Variants in LRRC58 observed in about 807,000 individuals in gnomAD.
LRRC58 encodes the protein leucine-rich repeat-containing protein 58.
Under a neutral mutation model 30.6 loss-of-function variants are expected in LRRC58, and 18 were observed. The ratio of observed to expected loss-of-function variants is 0.59; its 90% CI spans 0.41 to 0.87. The LOEUF (loss-of-function observed/expected upper bound fraction) is 0.87, where lower values mean the gene tolerates loss of function less well. Ranked by LOEUF, LRRC58 falls within the 40% of genes least tolerant of loss-of-function variation. The probability of loss-of-function intolerance (pLI) is 0.00; values close to 1 mark genes in which losing one functional copy is unlikely to be tolerated. For synonymous variants in LRRC58, 221 were observed against 206.0 expected (o/e 1.07, Z -0.62); for missense variants, 420 against 468.4 (o/e 0.90, Z 0.95).
chr3:120,346,760 G>A (rs1039937374), intron 1 of LRRC58, among the ~76,000 whole-genome samples: 2 of 152,078 alleles, frequency 1.3e-5, no homozygotes, highest in African/African-American at 4.8e-5. Context: ...TATCAAGCTG[G>A]TATAGGCTAC....
rs1351756460 is a variant in LRRC58 at position 120,326,854 on chromosome 3, C to T, written c.*4346G>A. The T allele has an allele frequency of 1.3e-5, 2 of 152,166 alleles. No homozygotes were observed. The highest frequency in any genetic ancestry group is 2.9e-5 in the Non-Finnish European group (2 of 68,014). The allele number at this position is 152,166 out of a possible 1,614,324, so 9.4% of individuals were successfully genotyped here. A position where few individuals can be genotyped will look rare whatever the true frequency, so the allele number is the denominator to read the frequency against. ...ATTAACTTTTTTTACATAGCTACTG[C>T]TAAAATGCTTTAAAAGACCAAATTT... is the stretch of plus-strand genomic sequence containing the variant. On this transcript the variant is annotated 3_prime_UTR_variant, in exon 4 of 4. Transcript: ENST00000295628.
chr3:120,349,149 A>C lies in LRRC58; in HGVS notation c.95T>G (p.Leu32Arg). The C allele has an allele frequency of 6.7e-7, 1 of 1,499,244 alleles. No homozygotes were observed. The highest frequency in any genetic ancestry group is 1.2e-5 in the South Asian group (1 of 80,238). The allele number at this position is 1,499,244 out of a possible 1,614,324, so 92.9% of individuals were successfully genotyped here. ...GCGCCGCTCCTCCCCCCGCGCCTCCAGCTCAGACTCCAGCGTCTCGGTGGA... is the reference window on the plus strand; with the variant it reads ...GCGCCGCTCCTCCCCCCGCGCCTCCCGCTCAGACTCCAGCGTCTCGGTGGA... Reference protein sequence around the residue: ...SVSTETLESELEARGEERRGA... With the variant: ...SVSTETLESEREARGEERRGA... The change falls in exon 1 of 4, where the codon CTG becomes CGG. Residue 32 changes from leucine to arginine, a missense_variant. Physicochemically the swap from Leu to Arg is moderately radical, Grantham distance 102. Transcript: ENST00000295628.
At position 120,349,077 on chromosome 3, in the gene LRRC58, A is replaced by G; in HGVS notation, c.167T>C (p.Leu56Pro). The G allele has an allele frequency of 6.6e-7, 1 of 1,518,534 alleles. No homozygotes were observed. Among genetic ancestry groups the G allele is most frequent in the Middle Eastern group, 1.8e-4 (1 of 5,668 alleles). 94.1% of individuals were successfully genotyped at this position (1,518,534 alleles called of 1,614,324 possible). A position where few individuals can be genotyped will look rare whatever the true frequency, so the allele number is the denominator to read the frequency against. Reference protein sequence around the residue: ...LLRLLLPHNRLVSLPRALGSG... With the variant: ...LLRLLLPHNRPVSLPRALGSG... Reference sequence around the variant, plus strand: ...GCCCAGCGCCCGTGGCAGCGACACCAGACGGTTGTGAGGCAGCAGCAGCCG... The same window carrying G: ...GCCCAGCGCCCGTGGCAGCGACACCGGACGGTTGTGAGGCAGCAGCAGCCG... The change falls in exon 1 of 4, where the codon CTG (leucine) becomes CCG (proline). Residue 56 changes from leucine (L) to proline (P), a missense_variant. By Grantham distance (98) the Leu-to-Pro change is moderately conservative. Around this residue, in one of 2 missense-constraint regions of LRRC58, gnomAD observed 266 missense variants for 251.7 expected, o/e 1.06. Coordinates refer to ENST00000295628, the MANE Select transcript of LRRC58 (RefSeq NM_001099678.2).
intron 1 of LRRC58, among the ~76,000 whole-genome samples, chr3:120,340,655 C>G (rs1266290417): frequency 6.6e-6 from 1 of 152,110 alleles, no homozygotes; most frequent in Non-Finnish European, 1.5e-5. Flanking sequence ...AGGTGGATGA[C>G]TTGAGGTCAC....
rs1464257115 is a variant in LRRC58 at position 120,330,738 on chromosome 3, CATATA to C, written c.*457_*461del. 2 of 154,164 alleles carry C rather than the reference CATATA, an allele frequency of 1.3e-5. No individual in the cohort carries two copies. Among genetic ancestry groups the C allele is most frequent in the Non-Finnish European group, 2.9e-5 (2 of 69,442 alleles). The allele number at this position is 154,164 out of a possible 1,614,324, so 9.5% of individuals were successfully genotyped here. On this transcript the variant is annotated 3_prime_UTR_variant, in exon 4 of 4. Transcript: ENST00000295628. ...AAGGGAGGGTTAATCCTGTTTATGGCATATAATATATATGGTATATATAGTATATA... is the reference window on the plus strand; with the variant it reads ...AAGGGAGGGTTAATCCTGTTTATGGCATATATATGGTATATATAGTATATA...
chr3:120,348,755 C>A lies in LRRC58; in HGVS notation c.489G>T (p.Glu163Asp). Residue 163 changes from glutamate (E) to aspartate (D), a missense_variant, in exon 1 of 4, where the codon GAG (glutamate) becomes GAT (aspartate). Coordinates refer to ENST00000295628, the MANE Select transcript of LRRC58 (RefSeq NM_001099678.2). Reference protein sequence around the residue: ...NQLQSIPAEIENLQSLECLYL... With the variant: ...NQLQSIPAEIDNLQSLECLYL... ...ACACACCCGCTCACCTCTGCAAGTT[C>A]TCGATCTCAGCCGGGATGCTCTGCA... The A allele has an allele frequency of 1.3e-6, 2 of 1,585,206 alleles. No homozygotes were observed. Among genetic ancestry groups the A allele is most frequent in the Non-Finnish European group, 1.7e-6 (2 of 1,165,654 alleles).
rs1411847341 is a variant in LRRC58, at chr3:120,325,649, G to A, written c.*5551C>T. On this transcript the variant is annotated 3_prime_UTR_variant, in exon 4 of 4. Transcript: ENST00000295628. The stretch of plus-strand genomic sequence containing the variant: ...AAGAAGAGATAGAAAAAGAATGGGA[G>A]ATATTTACATACAAAAGTATTCAAA... The A allele has an allele frequency of 6.6e-6, 1 of 152,136 alleles. No homozygotes were observed. Among genetic ancestry groups the A allele is most frequent in the Non-Finnish European group, 1.5e-5 (1 of 68,028 alleles). The allele number at this position is 152,136 out of a possible 1,614,324, so 9.4% of individuals were successfully genotyped here.
At position 120,335,844 on chromosome 3, in the gene LRRC58, T is replaced by A; in HGVS notation, c.610A>T (p.Ile204Leu). The A allele has an allele frequency of 6.2e-7, 1 of 1,611,866 alleles. No individual in the cohort carries two copies. ...LVLCDNKIQS[I>L]PPQLSQLHSL... ...ACTCACTGTGAAAGTTGAGGAGGTATGCTTTGGATTTTGTTGTCACATAAT... is the reference window on the plus strand; with the variant it reads ...ACTCACTGTGAAAGTTGAGGAGGTAAGCTTTGGATTTTGTTGTCACATAAT... The change falls in exon 2 of 4, where the codon ATA becomes TTA. Residue 204 changes from isoleucine (I) to leucine (L), a missense_variant. Transcript: ENST00000295628.
rs1935736778 is a variant in LRRC58 at position 120,330,297 on chromosome 3, C to T, written c.*903G>A. 1 of 152,000 alleles carries T rather than the reference C, an allele frequency of 6.6e-6. No homozygotes were observed. Among genetic ancestry groups the T allele is most frequent in the African/African-American group, 2.4e-5 (1 of 41,404 alleles). The allele number at this position is 152,000 out of a possible 1,614,324, so 9.4% of individuals were successfully genotyped here. Reference sequence around the variant, plus strand: ...ATGAACAGATTGATGAAGATTGTGGCCTACCATTAAGTGTAAAAGTAATGT... The same window carrying T: ...ATGAACAGATTGATGAAGATTGTGGTCTACCATTAAGTGTAAAAGTAATGT... On this transcript the variant is annotated 3_prime_UTR_variant, in exon 4 of 4. Transcript: ENST00000295628.
At position 120,330,277 on chromosome 3, in the gene LRRC58, C is replaced by A. The variant is rs1935736165; in HGVS notation, c.*923G>T. 6.6e-6 allele frequency: 1 copy of A among 151,980 alleles called. No homozygotes were observed. The highest frequency in any genetic ancestry group is 2.4e-5 in the African/African-American group (1 of 41,404). The allele number at this position is 151,980 out of a possible 1,614,324, so 9.4% of individuals were successfully genotyped here. On this transcript the variant is annotated 3_prime_UTR_variant, in exon 4 of 4. Coordinates refer to ENST00000295628, the MANE Select transcript of LRRC58 (RefSeq NM_001099678.2). ...AATTCTTACTCTGTCTTATGATGAA[C>A]AGATTGATGAAGATTGTGGCCTACC... is the stretch of plus-strand genomic sequence containing the variant.
intron 1 of LRRC58, among the ~76,000 whole-genome samples, chr3:120,339,817 T>C (rs1346260533): frequency 2.6e-5 from 4 of 152,178 alleles, no homozygotes; most frequent in African/African-American, 7.2e-5. Flanking sequence ...ACATTGTTTT[T>C]CTTTCATTGT....
At chr3:120,347,379 C>CTTTCTTTTTTTTTTT (rs1935982494) in intron 1 of LRRC58, among the ~76,000 whole-genome samples, 2 of 54,828 alleles carry the variant, frequency 3.6e-5, no homozygotes, top group African/African-American at 1.3e-4. Context: ...GGCCAATATT[C>CTTTCTTTTTTTTTTT]TTTTTTTTTT....
chr3:120,342,524 GA>G (rs1376906454), intron 1 of LRRC58, among the ~76,000 whole-genome samples: 1 of 152,146 alleles, frequency 6.6e-6, no homozygotes, highest in Non-Finnish European at 1.5e-5. Context: ...GAGCTTCAGA[GA>G]CCTGCAGAGA....
intron 1 of LRRC58, among the ~76,000 whole-genome samples, chr3:120,345,600 C>T (rs1476357757): frequency 6.6e-6 from 1 of 152,150 alleles, no homozygotes; most frequent in Non-Finnish European, 1.5e-5. Context: ...TCAAGTAAAT[C>T]ACTGATAATA....
rs1170827820 is a variant in LRRC58 at position 120,329,479 on chromosome 3, T to G, written c.*1721A>C. 6.6e-6 allele frequency: 1 copy of G among 152,098 alleles called. No homozygotes were observed. Among genetic ancestry groups the G allele is most frequent in the African/African-American group, 2.4e-5 (1 of 41,454 alleles). 9.4% of individuals were successfully genotyped at this position (152,098 alleles called of 1,614,324 possible). A position where few individuals can be genotyped will look rare whatever the true frequency, so the allele number is the denominator to read the frequency against. On this transcript the variant is annotated 3_prime_UTR_variant, in exon 4 of 4. Coordinates refer to ENST00000295628, the MANE Select transcript of LRRC58 (RefSeq NM_001099678.2). ...AGTCAAAAGGAAAACAAAATCTTAC[T>G]ACATTATAACAAGGTAAAGGTGAAG...
At chr3:120,343,149 A>T (rs1935924904) in intron 1 of LRRC58, among the ~76,000 whole-genome samples, 1 of 152,264 alleles carries the variant, frequency 6.6e-6, no homozygotes, top group Admixed American at 6.5e-5. Context: ...AACTAAGGCC[A>T]TGATTTTGCA....
At position 120,348,995 on chromosome 3, in the gene LRRC58, G is replaced by C. The variant is rs758966720; in HGVS notation, c.249C>G (p.Leu83=). 5 of 1,524,550 alleles carry C rather than the reference G, an allele frequency of 3.3e-6. No homozygotes were observed. The South Asian group carries it at 3.7e-5, about 11-fold the overall frequency. The allele number at this position is 1,524,550 out of a possible 1,614,324, so 94.4% of individuals were successfully genotyped here. The change falls in exon 1 of 4, where the codon CTC becomes CTG. Residue 83 remains leucine (L), a synonymous_variant. Coordinates refer to ENST00000295628, the MANE Select transcript of LRRC58 (RefSeq NM_001099678.2). The part of the protein sequence containing the change: ...LDVSGNALTA[L]GPELLALRGL... ...CGCGCAGAGCGAGCAGCTCCGGCCC[G>C]AGCGCGGTCAACGCGTTGCCGCTCA... is the stretch of plus-strand genomic sequence containing the variant.
At chr3:120,345,826 A>G (rs1471889703) in intron 1 of LRRC58, among the ~76,000 whole-genome samples, 1 of 152,260 alleles carries the variant, frequency 6.6e-6, no homozygotes, top group Non-Finnish European at 1.5e-5. Context: ...ATCATACATT[A>G]TTGGTGTCAA....
At chr3:120,333,284 A>G (rs1337924133) in intron 3 of LRRC58, among the ~76,000 whole-genome samples, 1 of 152,168 alleles carries the variant, frequency 6.6e-6, no homozygotes, top group Non-Finnish European at 1.5e-5. Flanking sequence ...GAGAAAAGAG[A>G]ATTCCTGTAG....
Sources: gnomAD v4.1 joint callset for allele counts (sites outside exome capture counted in the v4.1 genomes callset) on GRCh38, gnomAD v4.1.1 for gene constraint, gnomAD v4.1.1 regional missense constraint, MANE v1.5 for transcripts, NCBI Gene and HGNC (gene_info 2026-07-23, HGNC 2026-07-21) for gene names.